The following LINC00632 variants were observed in gnomAD, a reference collection of about 807,000 sequenced individuals.
The protein encoded by LINC00632 is long independently transcribed non-coding RNA 632, also known as ALDOA related specific transcript.
At position 140,756,016 on chromosome X, in the gene LINC00632, G is replaced by A. The variant is rs199569810; in HGVS notation, n.192-16062G>A. 1.3e-4 allele frequency among the ~76,000 whole-genome samples: 14 copies of A among 110,616 alleles called. No homozygotes were observed. In the East Asian group the frequency reaches 4.0e-3, roughly 32 times the overall value. ...TTGAGACATGTACATGTAAGTGCTTGAAAAAAAAGTAGAATTCTCTGAACT... is the reference window on the plus strand; with the variant it reads ...TTGAGACATGTACATGTAAGTGCTTAAAAAAAAAGTAGAATTCTCTGAACT... On this transcript the variant is annotated intron_variant and non_coding_transcript_variant, in intron 3 of 4. Transcript: ENST00000648200.
chrX:140,789,660 C>A (rs959198895), exon 5 of LINC00632, among the ~76,000 whole-genome samples: 7 of 112,094 alleles, frequency 6.2e-5, no homozygotes, highest in Non-Finnish European at 9.4e-5. Context: ...GATGGAAAAT[C>A]TAATCTCATT....
At chrX:140,719,828 G>T (rs189516942) in intron 2 of LINC00632, among the ~76,000 whole-genome samples, 2,216 of 108,690 alleles carry the variant, frequency 0.02, 28 homozygotes, top group African/African-American at 0.047. Flanking sequence ...GGTGGCTCAC[G>T]CCTGTAATCC....
At chrX:140,750,751 T>C (rs112475592) in intron 3 of LINC00632, among the ~76,000 whole-genome samples, 8,498 of 110,311 alleles carry the variant, frequency 0.077, 315 homozygotes, top group Admixed American at 0.17. Context: ...ACCTAATATG[T>C]AGTCTTTTAT....
intron 2 of LINC00632, among the ~76,000 whole-genome samples, chrX:140,722,921 C>T (rs186480511): frequency 1.8e-5 from 2 of 108,464 alleles, no homozygotes; most frequent in East Asian, 2.9e-4. Flanking sequence ...TGGTGGCACA[C>T]GCCTGTAATC....
chrX:140,732,371 A>T (rs1931073137), intron 2 of LINC00632, among the ~76,000 whole-genome samples: 1 of 112,005 alleles, frequency 8.9e-6, no homozygotes, highest in Non-Finnish European at 1.9e-5. Flanking sequence ...CATCCTAAGC[A>T]TGTAAGAGAC....
rs1394055110 is a variant in LINC00632 at position 140,723,670 on chromosome X, CACATTCCATACACACACATAG to C, written n.105-10204_105-10184del. Among the ~76,000 whole-genome samples the C allele has an allele frequency of 5.9e-3, 30 of 5,081 alleles. 5 individuals carry two copies. The highest frequency in any genetic ancestry group is 0.012 in the Non-Finnish European group (22 of 1,829). 4.4% of individuals were successfully genotyped at this position (5,081 alleles called of 115,157 possible). Reference sequence around the variant, plus strand: ...CATACACACACACATTCCATATACACACATTCCATACACACACATAGACACACATTCCATATACACACACGC... The same window carrying C: ...CATACACACACACATTCCATATACACACACACATTCCATATACACACACGC... On this transcript the variant is annotated intron_variant and non_coding_transcript_variant, in intron 2 of 4. Coordinates refer to ENST00000648200, the Ensembl canonical transcript of LINC00632.
At chrX:140,754,274 A>G (rs1380468585) in intron 3 of LINC00632, among the ~76,000 whole-genome samples, 1 of 111,320 alleles carries the variant, frequency 9.0e-6, no homozygotes, top group Non-Finnish European at 1.9e-5. Flanking sequence ...AAACTGACTC[A>G]CAGTGACCTT....
exon 5 of LINC00632, among the ~76,000 whole-genome samples, chrX:140,787,238 G>A (rs1050236086): frequency 9.0e-6 from 1 of 111,058 alleles, no homozygotes; most frequent in African/African-American, 3.3e-5. Context: ...AAGGATTTTC[G>A]TGTATGCTCT....
chrX:140,764,355 C>T (rs868389221), intron 3 of LINC00632, among the ~76,000 whole-genome samples: 1 of 3,134 alleles, frequency 3.2e-4, no homozygotes, highest in African/African-American at 1.2e-3. Flanking sequence ...CGGAGTGGGG[C>T]GGGGGCGGGG....
intron 3 of LINC00632, among the ~76,000 whole-genome samples, chrX:140,755,340 G>C (rs148763190): frequency 1.4e-3 from 159 of 112,145 alleles, no homozygotes; most frequent in African/African-American, 5.1e-3. Context: ...CTCTGCCCAA[G>C]GTTTTTGATC....
exon 5 of LINC00632, among the ~76,000 whole-genome samples, chrX:140,787,772 TATC>T (rs1269666610): frequency 1.8e-5 from 2 of 111,054 alleles, no homozygotes; most frequent in Admixed American, 1.9e-4. Flanking sequence ...GTTCATAAGG[TATC>T]ATCAGTGAGA....
At chrX:140,766,274 C>T (rs1013564434) in intron 3 of LINC00632, among the ~76,000 whole-genome samples, 1 of 111,645 alleles carries the variant, frequency 9.0e-6, no homozygotes, top group Non-Finnish European at 1.9e-5. Flanking sequence ...ATTTTCAGAG[C>T]TATTTAAAAA....
chrX:140,728,015 C>T (rs760531809), intron 2 of LINC00632, among the ~76,000 whole-genome samples: 1 of 111,193 alleles, frequency 9.0e-6, no homozygotes, highest in African/African-American at 3.3e-5. Context: ...CCGAGACGGG[C>T]GGATCACCTG....
intron 3 of LINC00632, among the ~76,000 whole-genome samples, chrX:140,752,569 T>C (rs150655008): frequency 0.014 from 1,535 of 112,174 alleles, 24 homozygotes; most frequent in African/African-American, 0.046. Context: ...CATGCCCAAA[T>C]CATATCAGGT....
chrX:140,748,383 TATTTCACTGA>T (rs1408826154), intron 3 of LINC00632, among the ~76,000 whole-genome samples: 4 of 112,012 alleles, frequency 3.6e-5, no homozygotes, highest in Non-Finnish European at 7.5e-5. Flanking sequence ...CCAGCAAAAG[TATTTCACTGA>T]ATTTCACTTT....
intron 3 of LINC00632, among the ~76,000 whole-genome samples, chrX:140,744,608 C>T (rs1931296757): frequency 9.9e-6 from 1 of 101,383 alleles, no homozygotes; most frequent in Non-Finnish European, 2.0e-5. Flanking sequence ...CTTGCTTTGT[C>T]GCCCAGGCCG....
At chrX:140,764,998 A>C (rs1350933280) in intron 3 of LINC00632, among the ~76,000 whole-genome samples, 2 of 111,925 alleles carry the variant, frequency 1.8e-5, no homozygotes, top group African/African-American at 6.5e-5. Flanking sequence ...GCACCAAGAT[A>C]CTCAGTAATC....
At chrX:140,723,738 C>G (rs781270306) in intron 2 of LINC00632, among the ~76,000 whole-genome samples, 3 of 106 alleles carry the variant, frequency 0.028, no homozygotes, top group African/African-American at 0.069. Flanking sequence ...TCCAAACACA[C>G]ACACACATTC....
chrX:140,719,926 A>G (rs748820989), intron 2 of LINC00632, among the ~76,000 whole-genome samples: 1 of 109,029 alleles, frequency 9.2e-6, no homozygotes, highest in Admixed American at 9.9e-5. Flanking sequence ...TGACTCTACT[A>G]AAAATACAAA....
Sources: allele counts gnomAD v4.1 joint callset (sites outside exome capture counted in the v4.1 genomes callset), GRCh38; gene constraint gnomAD v4.1.1; transcripts MANE v1.5; gene names NCBI Gene and HGNC (gene_info 2026-07-23, HGNC 2026-07-21).